Variants in LEPR observed in about 807,000 individuals in gnomAD.
LEPR encodes OB receptor.
LEPR carries 56 observed loss-of-function variants against 114.7 expected under a neutral mutation model. The ratio of observed to expected loss-of-function variants is 0.49; its 90% CI spans 0.39 to 0.61. The LOEUF (loss-of-function observed/expected upper bound fraction) is 0.61, where lower values mean the gene tolerates loss of function less well. Among genes scored for constraint, LEPR ranks in the 20% least tolerant of loss-of-function variants. The pLI, the probability that LEPR is intolerant of heterozygous loss-of-function variation, is 0.00. For synonymous variants in LEPR, 443 were observed against 461.4 expected (o/e 0.96, Z 0.51); for missense variants, 1,202 against 1,352.9 (o/e 0.89, Z 1.75).
chr1:65,425,499 G>C, intron 2 of LEPR, 121 bp downstream of exon 2: 1 of 724,296 alleles, frequency 1.4e-6, no homozygotes, highest in Non-Finnish European at 2.2e-6. Context: ...GTGGAGCCCA[G>C]TTTATGAACA....
chr1:65,619,674 C>T (rs965375125), intron 16 of LEPR, among the ~76,000 whole-genome samples: 2 of 152,068 alleles, frequency 1.3e-5, no homozygotes, highest in Non-Finnish European at 2.9e-5. Context: ...CTGGAACATG[C>T]CTTTGAAAAA....
At chr1:65,539,939 A>C (rs1651067694) in intron 2 of LEPR, among the ~76,000 whole-genome samples, 1 of 152,114 alleles carries the variant, frequency 6.6e-6, no homozygotes. Context: ...GTGCTTTTCT[A>C]GCTTGGTTCT....
intron 2 of LEPR, among the ~76,000 whole-genome samples, chr1:65,445,381 G>T (rs1460647682): frequency 6.6e-6 from 1 of 152,188 alleles, no homozygotes; most frequent in Non-Finnish European, 1.5e-5. Flanking sequence ...GCTTAGAGAG[G>T]TTAATATACT....
At chr1:65,508,250 G>T (rs1052076851) in intron 2 of LEPR, among the ~76,000 whole-genome samples, 2 of 152,172 alleles carry the variant, frequency 1.3e-5, no homozygotes, top group Admixed American at 1.3e-4. Context: ...TTATAGCCAA[G>T]AAATCATTCC....
At chr1:65,470,632 C>T (rs1366592859) in intron 2 of LEPR, among the ~76,000 whole-genome samples, 1 of 152,136 alleles carries the variant, frequency 6.6e-6, no homozygotes, top group Non-Finnish European at 1.5e-5. Flanking sequence ...GGATGATGTA[C>T]CACTGATTAC....
chr1:65,595,898 C>G (rs1361983889), intron 6 of LEPR, among the ~76,000 whole-genome samples: 1 of 152,078 alleles, frequency 6.6e-6, no homozygotes, highest in African/African-American at 2.4e-5. Context: ...ATCCCTACTT[C>G]TGATGACAAG....
intron 2 of LEPR, among the ~76,000 whole-genome samples, chr1:65,557,521 G>C (rs537657228): frequency 5.9e-5 from 9 of 152,144 alleles, no homozygotes; most frequent in Non-Finnish European, 1.2e-4. Flanking sequence ...CCGGGTTCAA[G>C]TGATTCTCTT....
At chr1:65,622,387 T>A (rs1423631891) in intron 18 of LEPR, among the ~76,000 whole-genome samples, 3 of 152,156 alleles carry the variant, frequency 2.0e-5, no homozygotes, top group Admixed American at 6.5e-5. Flanking sequence ...TCTGCTTGGC[T>A]TGTCAGGCAA....
chr1:65,455,614 C>T (rs1013563413), intron 2 of LEPR, among the ~76,000 whole-genome samples: 4 of 152,278 alleles, frequency 2.6e-5, no homozygotes, highest in African/African-American at 9.6e-5. Context: ...GGTCAGGGAC[C>T]CACTTGAGGA....
Position 65,633,923 on chromosome 1 carries a change from A to G in LEPR, c.2674-2268A>G. 1.0e-6 allele frequency: 1 copy of G among 985,472 alleles called. No homozygotes were observed. Among genetic ancestry groups the G allele is most frequent in the Non-Finnish European group, 1.2e-6 (1 of 829,960 alleles). 61.0% of individuals were successfully genotyped at this position (985,472 alleles called of 1,614,324 possible). A position where few individuals can be genotyped will look rare whatever the true frequency, so the allele number is the denominator to read the frequency against. ...CCCAGGTCAGATTGACGGGACCAGAAGGGAACATCGACTTCTAATCCAGCT... is the reference window on the plus strand; with the variant it reads ...CCCAGGTCAGATTGACGGGACCAGAGGGGAACATCGACTTCTAATCCAGCT... On this transcript the variant is annotated intron_variant, in intron 19 of 19. Transcript: ENST00000349533. The surrounding 1 kb of genome is among the most constrained non-coding windows in gnomAD (Gnocchi z 4.1).
intron 2 of LEPR, among the ~76,000 whole-genome samples, chr1:65,458,824 A>AT (rs1378302484): frequency 6.6e-6 from 1 of 151,822 alleles, no homozygotes; most frequent in East Asian, 1.9e-4. Context: ...TTATACCTTT[A>AT]TTATCCTTCT....
chr1:65,597,219 G>A (rs1279261113), intron 7 of LEPR, among the ~76,000 whole-genome samples: 3 of 152,000 alleles, frequency 2.0e-5, no homozygotes, highest in Admixed American at 1.3e-4. Context: ...ATTCCCTGTT[G>A]TCCATGCTGT....
intron 2 of LEPR, among the ~76,000 whole-genome samples, chr1:65,553,137 C>A (rs1369404705): frequency 6.6e-6 from 1 of 152,196 alleles, no homozygotes; most frequent in Non-Finnish European, 1.5e-5. Context: ...TTCTCTCTGG[C>A]TGCCCTTGAC....
intron 19 of LEPR, chr1:65,634,637 T>C: frequency 1.0e-6 from 1 of 976,342 alleles, no homozygotes; most frequent in Non-Finnish European, 1.2e-6. Flanking sequence ...TATGACATTT[T>C]AGCATGAAAT....
At chr1:65,597,094 A>T (rs1656115889) in intron 7 of LEPR, among the ~76,000 whole-genome samples, 1 of 152,050 alleles carries the variant, frequency 6.6e-6, no homozygotes, top group South Asian at 2.1e-4. Flanking sequence ...ATGATGTTTG[A>T]TCACCATGGC....
In LEPR at chr1:65,636,786, G is replaced by A; in HGVS notation, c.3269G>A (p.Ser1090Asn). 6.2e-7 allele frequency: 1 copy of A among 1,614,068 alleles called. No homozygotes were observed. The highest frequency in any genetic ancestry group is 1.1e-5 in the South Asian group (1 of 91,050). The change falls in exon 20 of 20, where the codon AGT becomes AAT. Residue 1090 changes from serine to asparagine, a missense_variant. Physicochemically the swap from Ser to Asn is conservative, Grantham distance 46 (BLOSUM62 1). Transcript: ENST00000349533. The part of the protein sequence containing the change: ...LGVTSIKKRE[S>N]GVLLTDKSRV... ...GTCACCTCAATCAAAAAGAGAGAGA[G>A]TGGTGTGCTTTTGACTGACAAGTCA... is the stretch of plus-strand genomic sequence containing the variant.
rs769438138 is a variant in LEPR, at chr1:65,636,308, A to G, written c.2791A>G (p.Lys931Glu). The change falls in exon 20 of 20, where the codon AAA (lysine) becomes GAA (glutamate). Residue 931 changes from lysine to glutamate, a missense_variant. Coordinates refer to ENST00000349533, the MANE Select transcript of LEPR (RefSeq NM_002303.6). Reference sequence around the variant, plus strand: ...CAGTGTTGATACATCATGGAAAAATAAAGATGAGATGATGCCAACAACTGT... The same window carrying G: ...CAGTGTTGATACATCATGGAAAAATGAAGATGAGATGATGCCAACAACTGT... ...DISVDTSWKNKDEMMPTTVVS... is the reference protein window; with the variant it reads ...DISVDTSWKNEDEMMPTTVVS... 2 of 1,614,050 alleles carry G rather than the reference A, an allele frequency of 1.2e-6. No individual in the cohort carries two copies. The highest frequency in any genetic ancestry group is 1.7e-6 in the Non-Finnish European group (2 of 1,179,950).
At chr1:65,496,699 T>C (rs1648177649) in intron 2 of LEPR, among the ~76,000 whole-genome samples, 1 of 152,208 alleles carries the variant, frequency 6.6e-6, no homozygotes, top group Admixed American at 6.6e-5. Flanking sequence ...AACAATCTTA[T>C]ATCCTTTCTA....
chr1:65,539,124 A>AT lies in LEPR; in HGVS notation c.-20-26412dup, dbSNP rs11350038. Among the ~76,000 whole-genome samples the AT allele has an allele frequency of 4.2e-5, 6 of 144,490 alleles. No homozygotes were observed. The South Asian group carries it at 6.6e-4, about 16-fold the overall frequency. The allele number at this position is 144,490 out of a possible 152,430, so 94.8% of individuals were successfully genotyped here. A position where few individuals can be genotyped will look rare whatever the true frequency, so the allele number is the denominator to read the frequency against. ...ATGCATTTTTTTTAAAACCATTGAA[A>AT]TTTTTTTTTTGTACTATGCATGTAA... On this transcript the variant is annotated intron_variant, in intron 2 of 19. Coordinates refer to ENST00000349533, the MANE Select transcript of LEPR (RefSeq NM_002303.6).
Sources: gnomAD v4.1 joint callset for allele counts (sites outside exome capture counted in the v4.1 genomes callset) on GRCh38, gnomAD v4.1.1 for gene constraint, Gnocchi (gnomAD v3.1) non-coding constraint, MANE v1.5 for transcripts, NCBI Gene and HGNC (gene_info 2026-07-23, HGNC 2026-07-21) for gene names.